The following FRK variants were observed in gnomAD, a reference collection of about 807,000 sequenced individuals.
FRK encodes fyn related Src family tyrosine kinase, also known as tyrosine-protein kinase FRK.
In FRK, 51 loss-of-function variants were observed where a neutral mutation model predicts 56.4. The ratio of observed to expected loss-of-function variants is 0.90; its 90% CI spans 0.72 to 1.14. The LOEUF (loss-of-function observed/expected upper bound fraction) is 1.14, where lower values mean the gene tolerates loss of function less well. FRK is among the 50% of genes most tolerant of loss of function. FRK has a pLI of 0.00. For missense variants in FRK, 570 were observed against 601.4 expected, an observed-to-expected ratio of 0.95 and a Z score of 0.55; for synonymous variants, 245 against 217.9, an observed-to-expected ratio of 1.12 and a Z score of -1.10.
chr6:116,087,504 C>G, the FRK span, among the ~76,000 whole-genome samples: 1 of 152,198 alleles, frequency 6.6e-6, no homozygotes, highest in South Asian at 2.1e-4. Context: ...TAAACTTCAC[C>G]ATTTTCTATG....
the FRK span, among the ~76,000 whole-genome samples, chr6:116,070,872 C>T: frequency 6.7e-6 from 1 of 149,644 alleles, no homozygotes; most frequent in African/African-American, 2.6e-5. Context: ...TCCTGCTAGG[C>T]CTTTTTTTGT....
chr6:115,953,229 G>T (rs1207291763), intron 5 of FRK, among the ~76,000 whole-genome samples: 1 of 102,358 alleles, frequency 9.8e-6, no homozygotes, highest in Non-Finnish European at 1.7e-5. Context: ...TCGCTCTGTC[G>T]CCCAGGCTGG....
At chr6:116,042,079 T>C (rs1261004504) in intron 1 of FRK, among the ~76,000 whole-genome samples, 1 of 152,096 alleles carries the variant, frequency 6.6e-6, no homozygotes, top group African/African-American at 2.4e-5. Flanking sequence ...CATCCACCAT[T>C]ACTGAGGCTT....
chr6:115,995,711 G>C (rs560503653), intron 2 of FRK, among the ~76,000 whole-genome samples: 38 of 152,250 alleles, frequency 2.5e-4, no homozygotes, highest in African/African-American at 9.1e-4. Context: ...TAGAGGAAAA[G>C]GTTCTTTGCC....
intron 4 of FRK, among the ~76,000 whole-genome samples, chr6:115,958,255 T>C (rs1013655376): frequency 7.0e-6 from 1 of 143,456 alleles, no homozygotes; most frequent in African/African-American, 2.6e-5. Context: ...TGGTCAAATA[T>C]AATATAGTGG....
At chr6:116,031,589 C>G (rs1310590113) in intron 1 of FRK, among the ~76,000 whole-genome samples, 1 of 152,008 alleles carries the variant, frequency 6.6e-6, no homozygotes, top group African/African-American at 2.4e-5. Context: ...CCACATCACC[C>G]CAATTTGGAG....
At chr6:116,077,919 G>A in the FRK span, among the ~76,000 whole-genome samples, 753 of 152,312 alleles carry the variant, frequency 4.9e-3, 3 homozygotes, top group African/African-American at 0.017. Context: ...CAGCACTTTG[G>A]GAGGCCAAGG....
At position 115,942,281 on chromosome 6, in the gene FRK, A is replaced by G. The variant is rs1365810385; in HGVS notation, c.*133T>C. On this transcript the variant is annotated 3_prime_UTR_variant, in exon 8 of 8. Transcript: ENST00000606080. ...GCACAAATAATCTTTTTCATAATAC[A>G]TGGCCAACTTTATCCTATCACTTGA... 4.2e-6 allele frequency: 3 copies of G among 722,016 alleles called. No homozygotes were observed. The highest frequency in any genetic ancestry group is 1.8e-5 in the African/African-American group (1 of 56,238). The allele number at this position is 722,016 out of a possible 1,614,324, so 44.7% of individuals were successfully genotyped here.
At chr6:116,016,559 T>TTG (rs149504212) in intron 1 of FRK, among the ~76,000 whole-genome samples, 6 of 150,964 alleles carry the variant, frequency 4.0e-5, no homozygotes, top group East Asian at 1.9e-4. Context: ...GTGTGTGTGT[T>TTG]TGTGTGTGTG....
rs532474484 is a variant in FRK at position 116,038,749 on chromosome 6, C to T, written c.344+21219G>A. On this transcript the variant is annotated intron_variant, in intron 1 of 7. Transcript: ENST00000606080. Reference sequence around the variant, plus strand: ...ACGCTGACCTTCAGCACCTCAGCTCCAGCGCCATGGCGACCTCCAGGAAGT... The same window carrying T: ...ACGCTGACCTTCAGCACCTCAGCTCTAGCGCCATGGCGACCTCCAGGAAGT... 2.6e-4 allele frequency: 125 copies of T among 482,556 alleles called. 1 individual carries two copies. Among genetic ancestry groups the T allele is most frequent in the African/African-American group, 2.3e-3 (118 of 50,596 alleles). The allele number at this position is 482,556 out of a possible 1,614,324, so 29.9% of individuals were successfully genotyped here.
At chr6:115,978,493 TG>T (rs1774069569) in intron 2 of FRK, among the ~76,000 whole-genome samples, 1 of 152,330 alleles carries the variant, frequency 6.6e-6, no homozygotes, top group East Asian at 1.9e-4. Context: ...GATTTGGCAC[TG>T]TGCCTTTCTA....
chr6:116,071,169 C>T, the FRK span, among the ~76,000 whole-genome samples: 23 of 152,210 alleles, frequency 1.5e-4, no homozygotes, highest in African/African-American at 5.5e-4. Context: ...TAATAAAAGC[C>T]TATTACAAGG....
In FRK at chr6:115,931,477, A is replaced by T. The variant is rs544362394; in HGVS notation, c.*10937T>A. On this transcript the variant is annotated 3_prime_UTR_variant, in exon 8 of 8. Transcript: ENST00000606080. ...TACATATAAATTAGTCATATGTAAT[A>T]TGTGTCACATGTAACTGTACAATAT... 6.6e-6 allele frequency: 1 copy of T among 152,316 alleles called. No individual in the cohort carries two copies. The highest frequency in any genetic ancestry group is 2.4e-5 in the African/African-American group (1 of 41,592). 9.4% of individuals were successfully genotyped at this position (152,316 alleles called of 1,614,324 possible). A position where few individuals can be genotyped will look rare whatever the true frequency, so the allele number is the denominator to read the frequency against.
rs1204679171 is a variant in FRK, at chr6:115,958,768, AG to A, written c.800-2159del. Among the ~76,000 whole-genome samples the A allele has an allele frequency of 8.9e-4, 72 of 80,764 alleles. 4 individuals are homozygous for A. Among genetic ancestry groups the A allele is most frequent in the African/African-American group, 2.8e-3 (53 of 18,914 alleles). 53.0% of individuals were successfully genotyped at this position (80,764 alleles called of 152,430 possible). ...GAAAGAAAGAAAGAAAGAAAGAAAG[AG>A]GGGGGGGAAGGAGAGAGAGAAAGAA... On this transcript the variant is annotated intron_variant, in intron 4 of 7. Coordinates refer to ENST00000606080, the MANE Select transcript of FRK (RefSeq NM_002031.3).
chr6:116,038,636 A>G, intron 1 of FRK: 1 of 316,406 alleles, frequency 3.2e-6, no homozygotes. Flanking sequence ...TAATCTCACA[A>G]CACAGGTTCT....
intron 1 of FRK, among the ~76,000 whole-genome samples, chr6:116,040,578 A>G (rs1776674074): frequency 6.6e-6 from 1 of 152,132 alleles, no homozygotes; most frequent in Admixed American, 6.5e-5. Flanking sequence ...TGCACCCGTT[A>G]TTATACATCA....
At chr6:116,083,887 C>T in the FRK span, among the ~76,000 whole-genome samples, 1 of 151,588 alleles carries the variant, frequency 6.6e-6, no homozygotes, top group Non-Finnish European at 1.5e-5. Context: ...TCTCAAATTC[C>T]TAGACTCAAG....
At chr6:116,067,802 T>A in the FRK span, among the ~76,000 whole-genome samples, 1 of 152,216 alleles carries the variant, frequency 6.6e-6, no homozygotes, top group Non-Finnish European at 1.5e-5. Context: ...TGAATGATAA[T>A]GTCTGGCTAC....
chr6:116,090,460 G>A, the FRK span, among the ~76,000 whole-genome samples: 1 of 152,198 alleles, frequency 6.6e-6, no homozygotes, highest in Non-Finnish European at 1.5e-5. Flanking sequence ...TCCTGTGATT[G>A]CAAGATAAAT....
Sources: gnomAD v4.1 joint callset for allele counts (sites outside exome capture counted in the v4.1 genomes callset) on GRCh38, gnomAD v4.1.1 for gene constraint, MANE v1.5 for transcripts, NCBI Gene and HGNC (gene_info 2026-07-23, HGNC 2026-07-21) for gene names.